The following CNTN5 variants were observed in gnomAD, a reference collection of about 807,000 sequenced individuals.
CNTN5 encodes the protein contactin-5.
CNTN5 carries 77 observed loss-of-function variants against 129.1 expected under a neutral mutation model. That is an observed-to-expected ratio of 0.60 (90% CI 0.50 to 0.72). The LOEUF is 0.72. Ranked by LOEUF, CNTN5 falls within the 30% of genes least tolerant of loss-of-function variation. The pLI is 0.00. For missense variants in CNTN5, 1,478 were observed against 1,328.8 expected, an observed-to-expected ratio of 1.11 and a Z score of -1.75; for synonymous variants, 509 against 465.6, an observed-to-expected ratio of 1.09 and a Z score of -1.20.
chr11:99,893,791 A>G (rs921713070), intron 6 of CNTN5, among the ~76,000 whole-genome samples: 3 of 152,196 alleles, frequency 2.0e-5, no homozygotes, highest in Admixed American at 6.5e-5. Flanking sequence ...GTCTTTATCT[A>G]TCTATATATG....
Position 99,717,717 on chromosome 11 carries a change from A to C in CNTN5, c.56-101827A>C, listed in dbSNP as rs555997683. On this transcript the variant is annotated intron_variant, in intron 3 of 24. Coordinates refer to ENST00000524871, the MANE Select transcript of CNTN5 (RefSeq NM_014361.4). Reference sequence around the variant, plus strand: ...ATGAATTATAGCAAGATGATAGAAAAATGTAATACCAAAATCCAGGTCAGG... The same window carrying C: ...ATGAATTATAGCAAGATGATAGAAACATGTAATACCAAAATCCAGGTCAGG... Among the ~76,000 whole-genome samples, 249 of 152,228 alleles carry C rather than the reference A, an allele frequency of 1.6e-3. 1 individual carries two copies. The highest frequency in any genetic ancestry group is 2.8e-3 in the Non-Finnish European group (190 of 67,986).
At chr11:99,817,242 C>T (rs968333664) in intron 3 of CNTN5, among the ~76,000 whole-genome samples, 2 of 152,180 alleles carry the variant, frequency 1.3e-5, no homozygotes, top group South Asian at 4.1e-4. Context: ...ATGAATGAAT[C>T]AATTGCCACA....
intron 4 of CNTN5, among the ~76,000 whole-genome samples, chr11:99,839,633 A>G (rs1947415303): frequency 6.6e-6 from 1 of 152,144 alleles, no homozygotes; most frequent in African/African-American, 2.4e-5. Context: ...TCACATTACT[A>G]AGAACAGTTA....
chr11:100,261,608 C>A (rs1366569755), intron 17 of CNTN5, among the ~76,000 whole-genome samples: 2 of 152,032 alleles, frequency 1.3e-5, no homozygotes, highest in Non-Finnish European at 2.9e-5. Flanking sequence ...AGATACCGAC[C>A]AATGGAGCAG....
chr11:99,755,681 G>A (rs1242726234), intron 3 of CNTN5, among the ~76,000 whole-genome samples: 2 of 151,754 alleles, frequency 1.3e-5, no homozygotes, highest in African/African-American at 4.8e-5. Flanking sequence ...TCACTTTCCT[G>A]CAAGTGTCTT....
At chr11:99,309,450 T>G (rs575338639) in intron 1 of CNTN5, among the ~76,000 whole-genome samples, 1 of 152,318 alleles carries the variant, frequency 6.6e-6, no homozygotes, top group South Asian at 2.1e-4. Context: ...ATGATTTCCC[T>G]CCCAACAACA....
At chr11:100,305,824 T>C (rs911786286) in intron 20 of CNTN5, among the ~76,000 whole-genome samples, 2 of 151,428 alleles carry the variant, frequency 1.3e-5, no homozygotes, top group African/African-American at 4.8e-5. Context: ...CAGGTCAACA[T>C]AGATCAACTT....
intron 3 of CNTN5, among the ~76,000 whole-genome samples, chr11:99,706,082 TA>T (rs1305132521): frequency 4.0e-5 from 6 of 151,490 alleles, no homozygotes; most frequent in African/African-American, 1.4e-4. Context: ...GGGATTAACA[TA>T]AAGAGTAATG....
chr11:99,158,217 T>G (rs1223632026), intron 1 of CNTN5, among the ~76,000 whole-genome samples: 1 of 152,166 alleles, frequency 6.6e-6, no homozygotes, highest in Non-Finnish European at 1.5e-5. Flanking sequence ...ACCGAGCTCT[T>G]GACATTCCGC....
chr11:99,388,305 C>T (rs953775896), intron 2 of CNTN5, among the ~76,000 whole-genome samples: 1 of 150,130 alleles, frequency 6.7e-6, no homozygotes, highest in Non-Finnish European at 1.5e-5. Context: ...ATCCCAGCTA[C>T]TTGGGAGGCT....
rs878922894 is a variant in CNTN5 at position 100,286,663 on chromosome 11, C to G, written c.2315-10962C>G. ...AAACCACAAAGATGGGGAAAAAACA[C>G]AACAGAAAAACTGGAAACTCTAAAA... is the stretch of plus-strand genomic sequence containing the variant. On this transcript the variant is annotated intron_variant, in intron 18 of 24. Transcript: ENST00000524871. Among the ~76,000 whole-genome samples the G allele has an allele frequency of 4.1e-3, 607 of 147,750 alleles. 5 individuals are homozygous for G. The highest frequency in any genetic ancestry group is 0.015 in the African/African-American group (559 of 38,426).
intron 3 of CNTN5, among the ~76,000 whole-genome samples, chr11:99,818,680 T>A (rs527474817): frequency 1.3e-5 from 2 of 151,962 alleles, no homozygotes; most frequent in East Asian, 3.9e-4. Flanking sequence ...TTAGTTTGTA[T>A]TTTTAAAAAT....
intron 1 of CNTN5, among the ~76,000 whole-genome samples, chr11:99,055,788 A>C (rs1357822260): frequency 6.6e-6 from 1 of 151,976 alleles, no homozygotes; most frequent in African/African-American, 2.4e-5. Context: ...ACTTATTGTC[A>C]GAACCAGAAT....
At position 99,951,490 on chromosome 11, in the gene CNTN5, C is replaced by T. The variant is rs952922247; in HGVS notation, c.674-5316C>T. On this transcript the variant is annotated intron_variant, in intron 7 of 24. Coordinates refer to ENST00000524871, the MANE Select transcript of CNTN5 (RefSeq NM_014361.4). ...TTAAATAACTTGAGCTGCCAATCAG[C>T]TTCTTCAACAGAATATTAATAAGCA... is the stretch of plus-strand genomic sequence containing the variant. Among the ~76,000 whole-genome samples the T allele has an allele frequency of 5.9e-5, 9 of 152,074 alleles. No homozygotes were observed. In the South Asian group the frequency reaches 6.2e-4, roughly 10 times the overall value.
At position 99,774,233 on chromosome 11, in the gene CNTN5, T is replaced by C. The variant is rs1280931992; in HGVS notation, c.56-45311T>C. On this transcript the variant is annotated intron_variant, in intron 3 of 24. Coordinates refer to ENST00000524871, the MANE Select transcript of CNTN5 (RefSeq NM_014361.4). ...TACATTGCAGATGCTCATCAAATAC[T>C]TGTTTGTGGGTAAATCTTCCCAACA... Among the ~76,000 whole-genome samples, 4 of 151,902 alleles carry C rather than the reference T, an allele frequency of 2.6e-5. No individual in the cohort carries two copies. The East Asian group carries it at 7.7e-4, about 29-fold the overall frequency.
rs148324319 is a variant in CNTN5, at chr11:100,078,962, C to T, written c.1580+4668C>T. ...GCATGGCTGGGGAGGCCTCAGGAAA[C>T]GTACAATCATGGCGTAAGGCAAAGC... On this transcript the variant is annotated intron_variant, in intron 13 of 24. Coordinates refer to ENST00000524871, the MANE Select transcript of CNTN5 (RefSeq NM_014361.4). Among the ~76,000 whole-genome samples, 81 of 152,180 alleles carry T rather than the reference C, an allele frequency of 5.3e-4. No individual in the cohort carries two copies. The South Asian group carries it at 0.012, about 23-fold the overall frequency.
chr11:99,715,332 C>T (rs1955173159), intron 3 of CNTN5, among the ~76,000 whole-genome samples: 1 of 151,756 alleles, frequency 6.6e-6, no homozygotes, highest in Non-Finnish European at 1.5e-5. Flanking sequence ...ATCTAGCTCA[C>T]AGAGGCAATG....
intron 3 of CNTN5, among the ~76,000 whole-genome samples, chr11:99,751,110 G>T (rs571799616): frequency 6.6e-6 from 1 of 152,334 alleles, no homozygotes; most frequent in Non-Finnish European, 1.5e-5. Context: ...GCTGAGGCAG[G>T]TCGATTGTCT....
chr11:100,304,269 A>T (rs1951295234), intron 20 of CNTN5, among the ~76,000 whole-genome samples: 2 of 151,672 alleles, frequency 1.3e-5, no homozygotes, highest in African/African-American at 4.8e-5. Context: ...AAAAAAAAAG[A>T]GGTTTCCCTC....
Sources: gnomAD v4.1 joint callset for allele counts (sites outside exome capture counted in the v4.1 genomes callset) on GRCh38, gnomAD v4.1.1 for gene constraint, MANE v1.5 for transcripts, NCBI Gene and HGNC (gene_info 2026-07-23, HGNC 2026-07-21) for gene names.